The following ARHGEF7 variants were observed in gnomAD, a reference collection of about 807,000 sequenced individuals.
ARHGEF7 encodes the protein Rho guanine nucleotide exchange factor 7.
A neutral mutation model predicts 109.8 loss-of-function variants in ARHGEF7; 33 were observed. The observed-to-expected ratio is 0.30, with a 90% confidence interval of 0.23 to 0.40. The LOEUF is 0.40. ARHGEF7 is among the 10% of genes least tolerant of loss of function. The pLI, the probability that ARHGEF7 is intolerant of heterozygous loss-of-function variation, is 1.00. For synonymous variants in ARHGEF7, 458 were observed against 424.6 expected, an observed-to-expected ratio of 1.08 and a Z score of -0.97; for missense variants, 938 against 1,098.5, an observed-to-expected ratio of 0.85 and a Z score of 2.07.
chr13:111,244,119 A>G lies in ARHGEF7; in HGVS notation c.855-80A>G, dbSNP rs567772451. On this transcript the variant is annotated intron_variant, in intron 7 of 21. Coordinates refer to ENST00000646102, the MANE Select transcript of ARHGEF7 (RefSeq NM_001354046.2). Reference sequence around the variant, plus strand: ...AGCTGTTTATTAGGTTAAGACTTCAATAGGACATTGGGATGGCAAAGGAGA... The same window carrying G: ...AGCTGTTTATTAGGTTAAGACTTCAGTAGGACATTGGGATGGCAAAGGAGA... The G allele has an allele frequency of 2.8e-5, 35 of 1,267,278 alleles. No homozygotes were observed. The African/African-American group carries it at 3.9e-4, about 14-fold the overall frequency. The allele number at this position is 1,267,278 out of a possible 1,614,324, so 78.5% of individuals were successfully genotyped here.
intron 1 of ARHGEF7, among the ~76,000 whole-genome samples, chr13:111,133,931 T>C (rs571586998): frequency 0.02 from 3,039 of 151,128 alleles, 47 homozygotes; most frequent in Middle Eastern, 0.048. Flanking sequence ...TAGGTATATC[T>C]CCTAATGCTA....
At chr13:111,241,820 T>C (rs2087842441) in intron 6 of ARHGEF7, among the ~76,000 whole-genome samples, 1 of 152,234 alleles carries the variant, frequency 6.6e-6, no homozygotes, top group Non-Finnish European at 1.5e-5. Context: ...TATCCAATAT[T>C]TGTAATTAGG....
intron 15 of ARHGEF7, chr13:111,281,156 C>G (rs1252530948): frequency 7.5e-6 from 1 of 134,088 alleles, no homozygotes; most frequent in Non-Finnish European, 1.6e-5. Flanking sequence ...TAGAAAAGCT[C>G]AACAAGTCTT....
Position 111,273,288 on chromosome 13 carries a change from C to T in ARHGEF7, c.1074-526C>T, listed in dbSNP as rs950580669. ...CGTTTGCTCTCTTCTCTTGCTGCTTCTCGTGCTCCTCACCCCAAGAGCCAT... is the reference window on the plus strand; with the variant it reads ...CGTTTGCTCTCTTCTCTTGCTGCTTTTCGTGCTCCTCACCCCAAGAGCCAT... On this transcript the variant is annotated intron_variant, in intron 9 of 21. Coordinates refer to ENST00000646102, the MANE Select transcript of ARHGEF7 (RefSeq NM_001354046.2). This position sits in a 1 kb window ranked among gnomAD's most constrained non-coding sequence, Gnocchi z 4.5. Among the ~76,000 whole-genome samples, 1 of 152,240 alleles carries T rather than the reference C, an allele frequency of 6.6e-6. No homozygotes were observed. Among genetic ancestry groups the T allele is most frequent in the Non-Finnish European group, 1.5e-5 (1 of 68,040 alleles).
rs1311303041 is a variant in ARHGEF7, at chr13:111,239,830, A to G, written c.760-4042A>G. On this transcript the variant is annotated intron_variant, in intron 6 of 21. Coordinates refer to ENST00000646102, the MANE Select transcript of ARHGEF7 (RefSeq NM_001354046.2). This position sits in a 1 kb window ranked among gnomAD's most constrained non-coding sequence, Gnocchi z 4.3. ...AGGTTGTCAGGTAGGCACTAGTGGA[A>G]TGCTGACACGGAGAGGAGCTCAGTG... is the stretch of plus-strand genomic sequence containing the variant. Among the ~76,000 whole-genome samples the G allele has an allele frequency of 6.6e-6, 1 of 152,108 alleles. No homozygotes were observed. The highest frequency in any genetic ancestry group is 1.9e-4 in the East Asian group (1 of 5,196).
chr13:111,223,060 G>A (rs896619366), intron 5 of ARHGEF7, among the ~76,000 whole-genome samples: 2 of 152,104 alleles, frequency 1.3e-5, no homozygotes, highest in Non-Finnish European at 2.9e-5. Flanking sequence ...ACACACATAG[G>A]TATGTATAGA....
At chr13:111,275,245 C>T (rs1299942698) in intron 11 of ARHGEF7, among the ~76,000 whole-genome samples, 1 of 152,204 alleles carries the variant, frequency 6.6e-6, no homozygotes, top group East Asian at 1.9e-4. Context: ...AGTTCTTGTC[C>T]TGTCCACATT....
At chr13:111,189,159 A>G (rs920126280) in intron 2 of ARHGEF7, among the ~76,000 whole-genome samples, 3 of 152,212 alleles carry the variant, frequency 2.0e-5, no homozygotes, top group African/African-American at 7.2e-5. Flanking sequence ...TTCTGCTTAG[A>G]ACCAGGGTGC....
chr13:111,300,908 C>A, intron 20 of ARHGEF7, 61 bp downstream of exon 20: 1 of 1,057,750 alleles, frequency 9.5e-7, no homozygotes, highest in Non-Finnish European at 1.4e-6. Flanking sequence ...GTAGTAGAGT[C>A]CAGACAACTC....
chr13:111,215,345 G>C (rs1297615298), intron 4 of ARHGEF7, among the ~76,000 whole-genome samples: 3 of 150,854 alleles, frequency 2.0e-5, no homozygotes, highest in Non-Finnish European at 2.9e-5. Flanking sequence ...GTAGGTATTT[G>C]CCTGTGTGTC....
At chr13:111,125,328 T>G (rs2067485437) in intron 1 of ARHGEF7, among the ~76,000 whole-genome samples, 1 of 151,972 alleles carries the variant, frequency 6.6e-6, no homozygotes, top group African/African-American at 2.4e-5. Flanking sequence ...TGAAATGTTC[T>G]TTTTTTTCTT....
rs755516609 is a variant in ARHGEF7 at position 111,273,048 on chromosome 13, G to A, written c.1074-766G>A. On this transcript the variant is annotated intron_variant, in intron 9 of 21. Coordinates refer to ENST00000646102, the MANE Select transcript of ARHGEF7 (RefSeq NM_001354046.2). The surrounding 1 kb of genome is among the most constrained non-coding windows in gnomAD (Gnocchi z 4.5). Reference sequence around the variant, plus strand: ...AGGAATACAGAAAGTTCTAAAACTTGTTTCTGACTCTTTAATTTTGGGATA... The same window carrying A: ...AGGAATACAGAAAGTTCTAAAACTTATTTCTGACTCTTTAATTTTGGGATA... Among the ~76,000 whole-genome samples, 87 of 152,164 alleles carry A rather than the reference G, an allele frequency of 5.7e-4. No homozygotes were observed. The highest frequency in any genetic ancestry group is 1.1e-3 in the Non-Finnish European group (74 of 68,022).
In ARHGEF7 at chr13:111,153,895, T is replaced by C; in HGVS notation, c.166-10T>C. ...GCCACGGCGCTCAGCGCTTGTGCTC[T>C]GTATTGCAGGTCTACCCCGAGCCCC... On this transcript the variant is annotated splice_polypyrimidine_tract_variant and intron_variant, in intron 1 of 21. Transcript: ENST00000646102. The C allele has an allele frequency of 6.3e-7, 1 of 1,597,122 alleles. No homozygotes were observed. The highest frequency in any genetic ancestry group is 8.5e-7 in the Non-Finnish European group (1 of 1,173,974).
At chr13:111,299,510 T>C (rs372671473) in intron 19 of ARHGEF7, among the ~76,000 whole-genome samples, 5 of 151,912 alleles carry the variant, frequency 3.3e-5, no homozygotes, top group African/African-American at 7.2e-5. Flanking sequence ...GCCCGGCTAA[T>C]TTTTTGTATT....
At chr13:111,141,619 A>G (rs1240794405) in intron 1 of ARHGEF7, among the ~76,000 whole-genome samples, 1 of 150,834 alleles carries the variant, frequency 6.6e-6, no homozygotes, top group Non-Finnish European at 1.5e-5. Flanking sequence ...ATATGCATTT[A>G]AGGTTCCTCC....
At chr13:111,174,379 C>T (rs1394567521) in intron 2 of ARHGEF7, among the ~76,000 whole-genome samples, 6 of 152,216 alleles carry the variant, frequency 3.9e-5, no homozygotes, top group Admixed American at 2.0e-4. Flanking sequence ...CTTCCGAATT[C>T]TTCAAGGCTT....
chr13:111,193,763 T>C (rs951437584), intron 2 of ARHGEF7, among the ~76,000 whole-genome samples: 1 of 152,144 alleles, frequency 6.6e-6, no homozygotes, highest in Non-Finnish European at 1.5e-5. Flanking sequence ...GAACTTCCAT[T>C]GGTATACAGG....
At chr13:111,154,107 C>G in intron 2 of ARHGEF7, 116 bp downstream of exon 2, 1 of 1,084,656 alleles carries the variant, frequency 9.2e-7, no homozygotes, top group Non-Finnish European at 1.3e-6. Context: ...TCCGACCCTC[C>G]CCGGCTGCTC....
At chr13:111,177,932 C>T (rs775821883) in intron 2 of ARHGEF7, among the ~76,000 whole-genome samples, 1 of 152,168 alleles carries the variant, frequency 6.6e-6, no homozygotes, top group Non-Finnish European at 1.5e-5. Flanking sequence ...AGCTTGAACT[C>T]GCACGCAGTG....
Sources: allele counts gnomAD v4.1 joint callset (sites outside exome capture counted in the v4.1 genomes callset), GRCh38; gene constraint gnomAD v4.1.1; non-coding constraint Gnocchi (gnomAD v3.1); transcripts MANE v1.5; gene names NCBI Gene and HGNC (gene_info 2026-07-23, HGNC 2026-07-21).